Variants in DGKD observed in about 807,000 individuals in gnomAD.
DGKD encodes diacylglycerol kinase delta.
In DGKD, 68 loss-of-function variants were observed where a neutral mutation model predicts 154.4. The ratio of observed to expected loss-of-function variants is 0.44; its 90% CI spans 0.36 to 0.54. The LOEUF is 0.54. Among genes scored for constraint, DGKD ranks in the 20% least tolerant of loss-of-function variants. The probability of loss-of-function intolerance (pLI) is 0.00; values close to 1 mark genes in which losing one functional copy is unlikely to be tolerated. For synonymous variants in DGKD, 693 were observed against 638.0 expected (o/e 1.09, Z -1.30); for missense variants, 1,343 against 1,593.6 (o/e 0.84, Z 2.68).
At position 233,449,906 on chromosome 2, in the gene DGKD, G is replaced by C. The variant is rs375478264; in HGVS notation, c.1889-76G>C. The C allele has an allele frequency of 4.0e-6, 6 of 1,483,000 alleles. No homozygotes were observed. The highest frequency in any genetic ancestry group is 5.4e-6 in the Non-Finnish European group (6 of 1,107,914). 91.9% of individuals were successfully genotyped at this position (1,483,000 alleles called of 1,614,324 possible). Reference sequence around the variant, plus strand: ...AGATCAGGCCGTGGGGTGAGGATGAGGGGCCCTCCACCCAGCCTGACAGCG... The same window carrying C: ...AGATCAGGCCGTGGGGTGAGGATGACGGGCCCTCCACCCAGCCTGACAGCG... On this transcript the variant is annotated intron_variant, in intron 15 of 29. Transcript: ENST00000264057. The surrounding 1 kb of genome is among the most constrained non-coding windows in gnomAD (Gnocchi z 5.3).
At chr2:233,401,349 T>C (rs1012286102) in intron 3 of DGKD, among the ~76,000 whole-genome samples, 3 of 152,246 alleles carry the variant, frequency 2.0e-5, no homozygotes, top group African/African-American at 7.2e-5. Flanking sequence ...AATTCATTTA[T>C]TATATCATTT....
intron 3 of DGKD, among the ~76,000 whole-genome samples, chr2:233,416,966 C>T (rs1489959633): frequency 2.0e-5 from 3 of 152,214 alleles, no homozygotes; most frequent in Admixed American, 6.5e-5. Context: ...CTTCCTGCTA[C>T]GGTGTGCATT....
chr2:233,447,962 C>T, intron 12 of DGKD, 125 bp from the exon 13 acceptor site: 1 of 1,536,608 alleles, frequency 6.5e-7, no homozygotes, highest in Non-Finnish European at 8.7e-7. Flanking sequence ...CAGACAGTGT[C>T]TGTTAGGAGA....
At chr2:233,443,374 G>T (rs946966942) in intron 10 of DGKD, among the ~76,000 whole-genome samples, 1 of 151,930 alleles carries the variant, frequency 6.6e-6, no homozygotes, top group Non-Finnish European at 1.5e-5. Flanking sequence ...AAATGGGTGT[G>T]TGAGGATTAT....
intron 1 of DGKD, among the ~76,000 whole-genome samples, chr2:233,374,024 T>C (rs1042205079): frequency 2.0e-5 from 3 of 152,106 alleles, no homozygotes; most frequent in Non-Finnish European, 4.4e-5. Flanking sequence ...TTTAATTTTT[T>C]TTTTTTACAC....
In DGKD at chr2:233,468,485, A is replaced by G. The variant is rs2063897809; in HGVS notation, c.3487A>G (p.Lys1163Glu). ...WLEHLSLCEY[K>E]DIFTRHDIRG... ...GGAGCACCTCAGTCTCTGTGAGTATAAGGACATCTTCACACGGCACGACAT... is the reference window on the plus strand; with the variant it reads ...GGAGCACCTCAGTCTCTGTGAGTATGAGGACATCTTCACACGGCACGACAT... The change falls in exon 29 of 30, where the codon AAG (lysine) becomes GAG (glutamate). Residue 1163 changes from lysine to glutamate, a missense_variant. By Grantham distance (56) the Lys-to-Glu change is moderately conservative. Transcript: ENST00000264057. 9 of 1,613,334 alleles carry G rather than the reference A, an allele frequency of 5.6e-6. No individual in the cohort carries two copies. The highest frequency in any genetic ancestry group is 7.6e-6 in the Non-Finnish European group (9 of 1,179,868).
chr2:233,371,596 A>G (rs1440093390), intron 1 of DGKD, among the ~76,000 whole-genome samples: 2 of 152,252 alleles, frequency 1.3e-5, no homozygotes, highest in African/African-American at 4.8e-5. Context: ...GTTATGCTTA[A>G]GAAACCATTG....
chr2:233,423,153 C>T (rs1329214437), intron 3 of DGKD, among the ~76,000 whole-genome samples: 1 of 152,136 alleles, frequency 6.6e-6, no homozygotes, highest in Non-Finnish European at 1.5e-5. Context: ...TAATCATTTA[C>T]CCCCTGAAGG....
intron 3 of DGKD, among the ~76,000 whole-genome samples, chr2:233,394,048 G>A (rs1370110303): frequency 1.3e-5 from 2 of 151,936 alleles, no homozygotes; most frequent in Admixed American, 6.6e-5. Context: ...GTTTTTTATC[G>A]CTTGAGCTTC....
At chr2:233,408,381 C>G (rs1229334476) in intron 3 of DGKD, among the ~76,000 whole-genome samples, 2 of 152,232 alleles carry the variant, frequency 1.3e-5, no homozygotes, top group Non-Finnish European at 2.9e-5. Flanking sequence ...AAAGACTCTT[C>G]CTAATTGCTG....
At chr2:233,368,123 A>C (rs965372644) in intron 1 of DGKD, among the ~76,000 whole-genome samples, 4 of 152,228 alleles carry the variant, frequency 2.6e-5, no homozygotes, top group East Asian at 1.9e-4. Flanking sequence ...TGCCTGAAGC[A>C]ATTTTATTAT....
chr2:233,425,126 A>G (rs2062249324), intron 3 of DGKD, among the ~76,000 whole-genome samples: 1 of 152,184 alleles, frequency 6.6e-6, no homozygotes, highest in African/African-American at 2.4e-5. Context: ...TTGTTCTTTC[A>G]AATAGAATTT....
intron 3 of DGKD, among the ~76,000 whole-genome samples, chr2:233,428,426 C>T (rs1022947848): frequency 1.3e-5 from 2 of 152,120 alleles, no homozygotes; most frequent in African/African-American, 2.4e-5. Flanking sequence ...GAAAGATGCT[C>T]ACATGGGAAA....
chr2:233,450,771 C>G, intron 16 of DGKD, 151 bp from the exon 17 acceptor site: 1 of 968,678 alleles, frequency 1.0e-6, no homozygotes, highest in Non-Finnish European at 1.5e-6. Flanking sequence ...GTCCTCCGCC[C>G]CCTTCTTTGT....
At chr2:233,451,220 TAA>T (rs1342212890) in intron 17 of DGKD, among the ~76,000 whole-genome samples, 170 bp downstream of exon 17, 1 of 146,258 alleles carries the variant, frequency 6.8e-6, no homozygotes, top group Non-Finnish European at 1.5e-5. Context: ...TTTTTTTTTT[TAA>T]AAACAAAAAA....
chr2:233,446,910 G>A (rs1439888037), intron 12 of DGKD, 114 bp downstream of exon 12: 40 of 1,240,812 alleles, frequency 3.2e-5, no homozygotes, highest in Non-Finnish European at 4.3e-5. Flanking sequence ...GTGTTGGGGT[G>A]TCACAGTCAG....
At chr2:233,373,999 C>T (rs1702449277) in intron 1 of DGKD, among the ~76,000 whole-genome samples, 1 of 151,544 alleles carries the variant, frequency 6.6e-6, no homozygotes, top group African/African-American at 2.4e-5. Context: ...TGTAACTCCC[C>T]TTTATGTCTT....
At chr2:233,430,295 C>T (rs2062464837) in intron 3 of DGKD, among the ~76,000 whole-genome samples, 1 of 152,188 alleles carries the variant, frequency 6.6e-6, no homozygotes, top group South Asian at 2.1e-4. Flanking sequence ...CACGGCAACA[C>T]TATGAGAAAT....
chr2:233,445,072 G>A lies in DGKD; in HGVS notation c.1195-551G>A, dbSNP rs1357922830. Among the ~76,000 whole-genome samples the A allele has an allele frequency of 6.6e-6, 1 of 152,180 alleles. No individual in the cohort carries two copies. The highest frequency in any genetic ancestry group is 2.4e-5 in the African/African-American group (1 of 41,454). ...TCTTCCTGGAACAGCAGGCAGGCGG[G>A]CAGAGGCTGAGCTCTGGCAAGGCTC... On this transcript the variant is annotated intron_variant, in intron 10 of 29. Coordinates refer to ENST00000264057, the MANE Select transcript of DGKD (RefSeq NM_152879.3). This position sits in a 1 kb window ranked among gnomAD's most constrained non-coding sequence, Gnocchi z 5.5.
Sources: allele counts gnomAD v4.1 joint callset (sites outside exome capture counted in the v4.1 genomes callset), GRCh38; gene constraint gnomAD v4.1.1; non-coding constraint Gnocchi (gnomAD v3.1); transcripts MANE v1.5; gene names NCBI Gene and HGNC (gene_info 2026-07-23, HGNC 2026-07-21).